The following PLCB4 variants were observed in gnomAD, a reference collection of about 807,000 sequenced individuals.
PLCB4 encodes phospholipase C beta 4.
Under a neutral mutation model 178.8 loss-of-function variants are expected in PLCB4, and 77 were observed. That is an observed-to-expected ratio of 0.43 (90% CI 0.36 to 0.52). The LOEUF (loss-of-function observed/expected upper bound fraction) is 0.52. PLCB4 is among the 20% of genes least tolerant of loss of function. The probability of loss-of-function intolerance (pLI) is 0.00; values close to 1 mark genes in which losing one functional copy is unlikely to be tolerated. For synonymous variants in PLCB4, 496 were observed against 490.8 expected (o/e 1.01, Z -0.14); for missense variants, 1,024 against 1,453.4 (o/e 0.70, Z 4.80).
chr20:9,358,706 C>T (rs1048160679), intron 7 of PLCB4, among the ~76,000 whole-genome samples: 7 of 151,898 alleles, frequency 4.6e-5, no homozygotes, highest in African/African-American at 1.5e-4. Flanking sequence ...ACACCCTGGC[C>T]GACATGGTCA....
At position 9,314,057 on chromosome 20, in the gene PLCB4, GC is replaced by G. The variant is rs1172230830; in HGVS notation, c.84+6160del. On this transcript the variant is annotated intron_variant, in intron 4 of 39. Coordinates refer to ENST00000378473, the MANE Select transcript of PLCB4 (RefSeq NM_001377142.1). ...AGCTAAGAGGAAGGGAGAGGCCAGG[GC>G]TTCTGCAAGGGCATGAGTATGACAG... Among the ~76,000 whole-genome samples the G allele has an allele frequency of 2.6e-5, 4 of 152,196 alleles. No homozygotes were observed. The East Asian group carries it at 7.7e-4, about 29-fold the overall frequency.
At chr20:9,316,647 G>A (rs544243379) in intron 4 of PLCB4, among the ~76,000 whole-genome samples, 35 of 152,066 alleles carry the variant, frequency 2.3e-4, no homozygotes, top group Non-Finnish European at 4.6e-4. Flanking sequence ...AGGATTCTAC[G>A]AGTCTGCACA....
intron 3 of PLCB4, among the ~76,000 whole-genome samples, chr20:9,282,935 C>T (rs1411508278): frequency 1.3e-5 from 2 of 151,944 alleles, no homozygotes; most frequent in East Asian, 3.9e-4. Flanking sequence ...AGAAGGAAAC[C>T]CCAATGTACA....
intron 27 of PLCB4, among the ~76,000 whole-genome samples, chr20:9,421,958 T>C (rs1489726006): frequency 1.3e-5 from 2 of 152,210 alleles, no homozygotes; most frequent in Non-Finnish European, 2.9e-5. Context: ...GTGTTTTATT[T>C]TTTTCTCCTA....
intron 4 of PLCB4, among the ~76,000 whole-genome samples, chr20:9,326,614 T>C (rs2030623088): frequency 6.6e-6 from 1 of 152,098 alleles, no homozygotes; most frequent in African/African-American, 2.4e-5. Context: ...GGGCAGAGTC[T>C]CCCCAACCAG....
At chr20:9,263,076 G>A (rs957578263) in intron 3 of PLCB4, among the ~76,000 whole-genome samples, 2 of 152,106 alleles carry the variant, frequency 1.3e-5, no homozygotes, top group African/African-American at 4.8e-5. Context: ...ATTTCAGGCA[G>A]CTCTTAACTA....
intron 35 of PLCB4, among the ~76,000 whole-genome samples, chr20:9,468,028 T>C (rs1308341910): frequency 6.6e-6 from 1 of 152,242 alleles, no homozygotes; most frequent in Non-Finnish European, 1.5e-5. Flanking sequence ...CTTTCATTCC[T>C]GTGGCTGATA....
At chr20:9,461,067 G>A (rs142546511) in intron 35 of PLCB4, among the ~76,000 whole-genome samples, 1 of 152,222 alleles carries the variant, frequency 6.6e-6, no homozygotes, top group Non-Finnish European at 1.5e-5. Flanking sequence ...CAGATTTTAG[G>A]TGCCTACCCT....
At chr20:9,323,693 G>T (rs1458911095) in intron 4 of PLCB4, among the ~76,000 whole-genome samples, 5 of 152,134 alleles carry the variant, frequency 3.3e-5, no homozygotes, top group Admixed American at 2.6e-4. Context: ...AGAGACAGCT[G>T]CCCCAGGAGT....
intron 4 of PLCB4, among the ~76,000 whole-genome samples, chr20:9,326,153 A>G (rs1223617424): frequency 1.3e-5 from 2 of 152,214 alleles, no homozygotes; most frequent in African/African-American, 4.8e-5. Context: ...TTGGTGGGGT[A>G]GAGCACAAAC....
intron 4 of PLCB4, among the ~76,000 whole-genome samples, chr20:9,323,736 C>T (rs996520625): frequency 6.6e-6 from 1 of 152,160 alleles, no homozygotes; most frequent in East Asian, 1.9e-4. Context: ...GCAGGGGCTT[C>T]AGCACCCTCA....
chr20:9,453,197 G>C (rs974473341), intron 32 of PLCB4, 150 bp from the exon 33 acceptor site: 34 of 541,528 alleles, frequency 6.3e-5, no homozygotes, highest in Non-Finnish European at 9.5e-5. Flanking sequence ...TGTTGAATGG[G>C]AGATCTGGAG....
At chr20:9,258,088 G>C (rs2094255581) in intron 3 of PLCB4, among the ~76,000 whole-genome samples, 1 of 152,128 alleles carries the variant, frequency 6.6e-6, no homozygotes, top group South Asian at 2.1e-4. Context: ...TCTTCTAATA[G>C]AGGGGAAAAA....
At chr20:9,125,765 C>T (rs2092096676) in intron 2 of PLCB4, among the ~76,000 whole-genome samples, 1 of 152,172 alleles carries the variant, frequency 6.6e-6, no homozygotes, top group Non-Finnish European at 1.5e-5. Context: ...GTGTCTGTCT[C>T]TATATGCGTA....
intron 7 of PLCB4, among the ~76,000 whole-genome samples, chr20:9,339,863 G>A (rs1325369144): frequency 1.3e-5 from 2 of 152,128 alleles, no homozygotes; most frequent in African/African-American, 4.8e-5. Flanking sequence ...TGGCAAGTGA[G>A]TCTCAAAGAG....
At position 9,459,783 on chromosome 20, in the gene PLCB4, C is replaced by A; in HGVS notation, c.3221C>A (p.Thr1074Asn). Residue 1074 changes from threonine to asparagine, a missense_variant, in exon 35 of 40, where the codon ACC becomes AAC. Transcript: ENST00000378473. ...CTCATCAATGCCCACGAGCAGCAAACCCAGCAGCTGAAACTGTCCCATGAC... is the reference window on the plus strand; with the variant it reads ...CTCATCAATGCCCACGAGCAGCAAAACCAGCAGCTGAAACTGTCCCATGAC... ...KLLINAHEQQTQQLKLSHDRE... is the reference protein window; with the variant it reads ...KLLINAHEQQNQQLKLSHDRE... The A allele has an allele frequency of 3.1e-6, 5 of 1,610,914 alleles. No individual in the cohort carries two copies. Among genetic ancestry groups the A allele is most frequent in the Non-Finnish European group, 4.2e-6 (5 of 1,177,494 alleles).
chr20:9,467,937 T>A (rs1169050865), intron 35 of PLCB4, among the ~76,000 whole-genome samples: 1 of 152,220 alleles, frequency 6.6e-6, no homozygotes, highest in African/African-American at 2.4e-5. Context: ...TGCATACACA[T>A]GCATTCCCAC....
intron 9 of PLCB4, 47 bp from the exon 10 acceptor site, chr20:9,371,167 A>T: frequency 1.7e-6 from 2 of 1,193,012 alleles, no homozygotes; most frequent in South Asian, 1.2e-5. Flanking sequence ...CAGAGAAAAC[A>T]TAATGAACAA....
At chr20:9,322,551 T>C (rs2094973469) in intron 4 of PLCB4, among the ~76,000 whole-genome samples, 1 of 152,180 alleles carries the variant, frequency 6.6e-6, no homozygotes, top group Non-Finnish European at 1.5e-5. Flanking sequence ...TGCATTCCCT[T>C]TCTACTGCAG....
Sources: allele counts gnomAD v4.1 joint callset (sites outside exome capture counted in the v4.1 genomes callset), GRCh38; gene constraint gnomAD v4.1.1; transcripts MANE v1.5; gene names NCBI Gene and HGNC (gene_info 2026-07-23, HGNC 2026-07-21).